FOXP2: variants seen among roughly 807,000 people sequenced by gnomAD.
FOXP2 encodes the protein forkhead box protein P2.
In FOXP2, 12 loss-of-function variants were observed where a neutral mutation model predicts 115.8. The observed-to-expected ratio is 0.10, with a 90% CI of 0.07 to 0.17. The LOEUF (loss-of-function observed/expected upper bound fraction) is 0.17, where lower values mean the gene tolerates loss of function less well. Ranked by LOEUF, FOXP2 falls within the 10% of genes least tolerant of loss-of-function variation. The pLI, the probability that FOXP2 is intolerant of heterozygous loss-of-function variation, is 1.00. For missense variants in FOXP2, 629 were observed against 843.5 expected (o/e 0.75, Z 3.15); for synonymous variants, 328 against 297.7 (o/e 1.10, Z -1.05).
intron 2 of FOXP2, among the ~76,000 whole-genome samples, chr7:114,468,859 A>G (rs531957023): frequency 5.9e-5 from 9 of 152,304 alleles, no homozygotes; most frequent in African/African-American, 2.2e-4. Context: ...ACATGTAATA[A>G]GTGCTCAATA....
chr7:114,554,627 A>G (rs1800370546), intron 3 of FOXP2, among the ~76,000 whole-genome samples: 1 of 152,136 alleles, frequency 6.6e-6, no homozygotes. Flanking sequence ...TTATTGTGGT[A>G]GGTAGTGATT....
At chr7:114,648,356 G>T (rs1563058146) in intron 8 of FOXP2, among the ~76,000 whole-genome samples, 1 of 152,032 alleles carries the variant, frequency 6.6e-6, no homozygotes, top group Non-Finnish European at 1.5e-5. Context: ...TCCTGTCAGT[G>T]TTTAAACATA....
At chr7:114,229,439 A>C (rs963393328) in intron 1 of FOXP2, among the ~76,000 whole-genome samples, 5 of 151,666 alleles carry the variant, frequency 3.3e-5, no homozygotes, top group Admixed American at 6.6e-5. Flanking sequence ...CAAGAGCAGA[A>C]TAGTATACAT....
chr7:114,329,738 G>A (rs551955435), intron 2 of FOXP2, among the ~76,000 whole-genome samples: 108 of 150,604 alleles, frequency 7.2e-4, no homozygotes, highest in African/African-American at 2.3e-3. Flanking sequence ...GGGCAGTGGC[G>A]CGAAACCAGC....
chr7:114,108,033 T>C lies in FOXP2; in HGVS notation c.-247+20195T>C, dbSNP rs185179523. 1.1e-3 allele frequency among the ~76,000 whole-genome samples: 165 copies of C among 152,112 alleles called. 1 individual carries two copies. The highest frequency in any genetic ancestry group is 8.2e-4 in the Non-Finnish European group (56 of 67,884). On this transcript the variant is annotated intron_variant, in intron 1 of 19. Coordinates refer to the FOXP2 transcript ENST00000635638. Reference sequence around the variant, plus strand: ...AAACTATTTTGACAAAGTCACATTATTTTGTGATGTAACAAAAGTTAGTTT... The same window carrying C: ...AAACTATTTTGACAAAGTCACATTACTTTGTGATGTAACAAAAGTTAGTTT...
chr7:114,123,892 CAG>C (rs528953316), intron 1 of FOXP2, among the ~76,000 whole-genome samples: 1 of 152,048 alleles, frequency 6.6e-6, no homozygotes, highest in Non-Finnish European at 1.5e-5. Context: ...TAAGCTATGA[CAG>C]AATCCATGCT....
At chr7:114,562,037 C>G (rs1800783091) in intron 3 of FOXP2, among the ~76,000 whole-genome samples, 1 of 152,144 alleles carries the variant, frequency 6.6e-6, no homozygotes, top group Admixed American at 6.5e-5. Flanking sequence ...GCACCATACT[C>G]TCTTGTTATT....
intron 3 of FOXP2, chr7:114,614,016 A>G (rs961645316): frequency 6.6e-6 from 1 of 152,226 alleles, no homozygotes; most frequent in Non-Finnish European, 1.5e-5. Flanking sequence ...GTTGTTAAAA[A>G]TGCCTTAATT....
chr7:114,190,623 T>A (rs1459912763), intron 1 of FOXP2, among the ~76,000 whole-genome samples: 1 of 152,206 alleles, frequency 6.6e-6, no homozygotes, highest in African/African-American at 2.4e-5. Context: ...AGACATATTC[T>A]GTTTCTCTAG....
At chr7:114,192,311 G>C (rs1298675336) in intron 1 of FOXP2, among the ~76,000 whole-genome samples, 1 of 152,050 alleles carries the variant, frequency 6.6e-6, no homozygotes, top group Non-Finnish European at 1.5e-5. Context: ...TGGTTTGATA[G>C]ATCACTTCTT....
chr7:114,129,296 C>G (rs1791807826), intron 1 of FOXP2, among the ~76,000 whole-genome samples: 1 of 152,124 alleles, frequency 6.6e-6, no homozygotes, highest in Non-Finnish European at 1.5e-5. Context: ...GTGAACTCAA[C>G]CTTAATATTA....
At chr7:114,325,892 T>G (rs911664119) in intron 2 of FOXP2, among the ~76,000 whole-genome samples, 1 of 152,116 alleles carries the variant, frequency 6.6e-6, no homozygotes, top group African/African-American at 2.4e-5. Context: ...TTCCAGATGC[T>G]TAGACCTACA....
intron 3 of FOXP2, among the ~76,000 whole-genome samples, chr7:114,583,238 T>A (rs1167463433): frequency 1.3e-5 from 2 of 151,832 alleles, no homozygotes; most frequent in Non-Finnish European, 2.9e-5. Flanking sequence ...AATTAGCTGG[T>A]CATGGTGGTG....
chr7:114,548,623 TAA>T (rs1178560107), intron 3 of FOXP2, among the ~76,000 whole-genome samples: 3 of 152,224 alleles, frequency 2.0e-5, no homozygotes, highest in African/African-American at 7.2e-5. Flanking sequence ...TATAGGGTTT[TAA>T]GTTTTAATAT....
chr7:114,649,007 G>A (rs1806081464), intron 8 of FOXP2, among the ~76,000 whole-genome samples: 1 of 151,992 alleles, frequency 6.6e-6, no homozygotes, highest in Non-Finnish European at 1.5e-5. Flanking sequence ...AGAGTAGAAT[G>A]CATTTAAATA....
intron 1 of FOXP2, among the ~76,000 whole-genome samples, chr7:114,245,949 G>A (rs1795273651): frequency 6.6e-6 from 1 of 152,034 alleles, no homozygotes. Context: ...ACAAATATGA[G>A]CTATATAGAA....
At chr7:114,244,554 T>A (rs2129168182) in intron 1 of FOXP2, among the ~76,000 whole-genome samples, 1 of 152,354 alleles carries the variant, frequency 6.6e-6, no homozygotes, top group African/African-American at 2.4e-5. Context: ...CTATTTTGAA[T>A]GTTAGTGAGT....
intron 1 of FOXP2, among the ~76,000 whole-genome samples, chr7:114,285,661 A>G (rs772672737): frequency 3.9e-5 from 6 of 152,090 alleles, no homozygotes; most frequent in African/African-American, 9.7e-5. Flanking sequence ...CGCAGAATTC[A>G]TTCAAATTCA....
At chr7:114,650,344 T>G (rs1017569498) in intron 8 of FOXP2, among the ~76,000 whole-genome samples, 2 of 152,004 alleles carry the variant, frequency 1.3e-5, no homozygotes, top group Non-Finnish European at 2.9e-5. Flanking sequence ...CTAATCTCAG[T>G]GTATAACTGA....
Sources: gnomAD v4.1 joint callset for allele counts (sites outside exome capture counted in the v4.1 genomes callset) on GRCh38, gnomAD v4.1.1 for gene constraint, MANE v1.5 for transcripts, NCBI Gene and HGNC (gene_info 2026-07-23, HGNC 2026-07-21) for gene names.